Variants in PRELID3A observed in about 807,000 individuals in gnomAD.
PRELID3A encodes the protein PRELI domain containing 3A.
Under a neutral mutation model 23.0 loss-of-function variants are expected in PRELID3A, and 27 were observed. The ratio of observed to expected loss-of-function variants is 1.17; its 90% CI spans 0.87 to 1.62. The LOEUF (loss-of-function observed/expected upper bound fraction) is 1.62. Ranked by LOEUF, PRELID3A falls within the 40% of genes most tolerant of loss-of-function variation. PRELID3A has a pLI of 0.00. For synonymous variants in PRELID3A, 87 were observed against 86.4 expected, an observed-to-expected ratio of 1.01 and a Z score of -0.04; for missense variants, 231 against 231.4, an observed-to-expected ratio of 1.00 and a Z score of 0.01.
At position 12,427,067 on chromosome 18, in the gene PRELID3A, TAATG is replaced by T. The variant is rs1442240281; in HGVS notation, c.320_323del (p.Asn107ArgfsTer14). ...TCACACTCACAAATTTGGTGTCAGT[TAATG>T]AGAGGTTGGTGTACACACCTCATCC... On this transcript the variant is annotated frameshift_variant, in exon 4 of 7. Coordinates refer to ENST00000440960, the MANE Select transcript of PRELID3A (RefSeq NM_001142405.2). LOFTEE classifies it high-confidence loss of function. 1.2e-6 allele frequency: 2 copies of T among 1,613,414 alleles called. No individual in the cohort carries two copies. The highest frequency in any genetic ancestry group is 4.5e-5 in the East Asian group (2 of 44,866).
At chr18:12,422,225 G>A (rs1182910127) in intron 3 of PRELID3A, 1 of 135,612 alleles carries the variant, frequency 7.4e-6, no homozygotes, top group South Asian at 2.4e-4. Flanking sequence ...TAATTTTTGA[G>A]ACAGTCTCTC....
At chr18:12,425,821 TC>T (rs1254488504) in intron 3 of PRELID3A, among the ~76,000 whole-genome samples, 99 of 151,984 alleles carry the variant, frequency 6.5e-4, no homozygotes, top group African/African-American at 2.3e-3. Flanking sequence ...GCACCTGTAG[TC>T]CCAGCTACTC....
At chr18:12,408,113 C>A in intron 1 of PRELID3A, 106 bp downstream of exon 1, 1 of 995,562 alleles carries the variant, frequency 1.0e-6, no homozygotes, top group Non-Finnish European at 1.3e-6. Context: ...GCGGGCCTCG[C>A]GGAGATCCCC....
At chr18:12,422,542 A>G (rs543143177) in intron 3 of PRELID3A, among the ~76,000 whole-genome samples, 9 of 151,920 alleles carry the variant, frequency 5.9e-5, no homozygotes, top group Non-Finnish European at 8.8e-5. Context: ...TATTTTTAGT[A>G]AACAGGAGGT....
At chr18:12,418,917 G>A (rs910833893) in intron 1 of PRELID3A, among the ~76,000 whole-genome samples, 1 of 152,184 alleles carries the variant, frequency 6.6e-6, no homozygotes, top group Non-Finnish European at 1.5e-5. Flanking sequence ...GGCTGAGTGC[G>A]GTGGCTCATG....
At chr18:12,408,093 G>A (rs1266327085) in intron 1 of PRELID3A, 86 bp downstream of exon 1, 43 of 1,136,040 alleles carry the variant, frequency 3.8e-5, no homozygotes, top group Non-Finnish European at 4.1e-5. Flanking sequence ...AGGAAAGGCC[G>A]GACCTCACAG....
intron 6 of PRELID3A, among the ~76,000 whole-genome samples, chr18:12,430,370 TGTGTG>T (rs987844434): frequency 2.0e-5 from 2 of 99,808 alleles, no homozygotes; most frequent in African/African-American, 9.3e-5. Context: ...GTGTGTGTGG[TGTGTG>T]TGTGTGTGCA....
chr18:12,427,433 A>G (rs1385737274), intron 5 of PRELID3A, 110 bp downstream of exon 5: 24 of 867,644 alleles, frequency 2.8e-5, no homozygotes, highest in Non-Finnish European at 4.4e-5. Flanking sequence ...ATGGTGGCTC[A>G]TGTCTGTAAT....
Position 12,427,206 on chromosome 18 carries a change from C to G in PRELID3A, c.363-15C>G. 2 of 1,613,106 alleles carry G rather than the reference C, an allele frequency of 1.2e-6. No individual in the cohort carries two copies. The highest frequency in any genetic ancestry group is 1.7e-6 in the Non-Finnish European group (2 of 1,179,192). On this transcript the variant is annotated splice_polypyrimidine_tract_variant and intron_variant, in intron 4 of 6. Transcript: ENST00000440960. Reference sequence around the variant, plus strand: ...TCAGGGCTGGTCAGCCCCTTTTCTTCTTGCTCTTTTGCAGGACCGTGCTCA... The same window carrying G: ...TCAGGGCTGGTCAGCCCCTTTTCTTGTTGCTCTTTTGCAGGACCGTGCTCA...
intron 1 of PRELID3A, among the ~76,000 whole-genome samples, chr18:12,412,702 G>A (rs1909958677): frequency 1.3e-5 from 2 of 152,250 alleles, no homozygotes; most frequent in South Asian, 4.1e-4. Context: ...TTAGGCCAAT[G>A]GATTTCAAGC....
chr18:12,425,783 T>C (rs1266577863), intron 3 of PRELID3A, among the ~76,000 whole-genome samples: 2 of 150,572 alleles, frequency 1.3e-5, no homozygotes, highest in East Asian at 3.9e-4. Context: ...CTACAAAAAA[T>C]TTAAAAATTA....
chr18:12,409,702 C>T (rs1308227520), intron 1 of PRELID3A, among the ~76,000 whole-genome samples: 1 of 152,030 alleles, frequency 6.6e-6, no homozygotes, highest in Non-Finnish European at 1.5e-5. Context: ...GCTCAGTTTT[C>T]TCATGGAATG....
At chr18:12,416,057 G>C (rs1276133726) in intron 1 of PRELID3A, among the ~76,000 whole-genome samples, 1 of 152,194 alleles carries the variant, frequency 6.6e-6, no homozygotes, top group Non-Finnish European at 1.5e-5. Context: ...ATAAACTTCA[G>C]CACATTCCTC....
chr18:12,408,832 A>G (rs1003778973), intron 1 of PRELID3A, among the ~76,000 whole-genome samples: 1 of 152,212 alleles, frequency 6.6e-6, no homozygotes, highest in Non-Finnish European at 1.5e-5. Flanking sequence ...TGCATACCCT[A>G]GAAGTCCTGA....
At position 12,431,858 on chromosome 18, in the gene PRELID3A, G is replaced by T. The variant is rs1020955843; in HGVS notation, c.*742G>T. ...ATCCTGCGCCCAGGCTGGAGGCCCT[G>T]CCTCGCTGCTTGCCAGCCTCACCTG... is the stretch of plus-strand genomic sequence containing the variant. On this transcript the variant is annotated 3_prime_UTR_variant, in exon 7 of 7. Transcript: ENST00000440960. 6.6e-6 allele frequency: 1 copy of T among 152,242 alleles called. No homozygotes were observed. The highest frequency in any genetic ancestry group is 2.4e-5 in the African/African-American group (1 of 41,448). The allele number at this position is 152,242 out of a possible 1,614,324, so 9.4% of individuals were successfully genotyped here. A position where few individuals can be genotyped will look rare whatever the true frequency, so the allele number is the denominator to read the frequency against.
chr18:12,421,897 T>C (rs1011400171), intron 3 of PRELID3A, among the ~76,000 whole-genome samples: 3 of 152,130 alleles, frequency 2.0e-5, no homozygotes, highest in Non-Finnish European at 2.9e-5. Flanking sequence ...CTGAGACCCC[T>C]TGGGCACCCC....
chr18:12,423,265 C>T (rs1465867607), intron 3 of PRELID3A, among the ~76,000 whole-genome samples: 2 of 151,910 alleles, frequency 1.3e-5, no homozygotes, highest in Admixed American at 6.6e-5. Flanking sequence ...AGCCGGAGGT[C>T]GTTTTCGTGG....
At chr18:12,429,248 G>A in intron 5 of PRELID3A, 102 bp from the exon 6 acceptor site, 1 of 933,486 alleles carries the variant, frequency 1.1e-6, no homozygotes, top group South Asian at 1.4e-5. Flanking sequence ...CCTTGTAACT[G>A]CAGCGCTTGC....
At position 12,427,370 on chromosome 18, in the gene PRELID3A, G is replaced by A. The variant is rs142640469; in HGVS notation, c.465+47G>A. 9,601 of 1,336,952 alleles carry A rather than the reference G, an allele frequency of 7.2e-3. 50 individuals are homozygous for A. Among genetic ancestry groups the A allele is most frequent in the Middle Eastern group, 9.2e-3 (51 of 5,518 alleles). The allele number at this position is 1,336,952 out of a possible 1,614,324, so 82.8% of individuals were successfully genotyped here. A position where few individuals can be genotyped will look rare whatever the true frequency, so the allele number is the denominator to read the frequency against. On this transcript the variant is annotated intron_variant, in intron 5 of 6. Transcript: ENST00000440960. ...GTCCTGTGTGTGCTCTAGTTGTTAA[G>A]TGCCAGATTAAGAATATGACATTTT... is the stretch of plus-strand genomic sequence containing the variant.
Sources: gnomAD v4.1 joint callset for allele counts (sites outside exome capture counted in the v4.1 genomes callset) on GRCh38, gnomAD v4.1.1 for gene constraint, MANE v1.5 for transcripts, NCBI Gene and HGNC (gene_info 2026-07-23, HGNC 2026-07-21) for gene names.